SWAP70: variants seen among roughly 807,000 people sequenced by gnomAD.
The protein encoded by SWAP70 is switching B cell complex subunit SWAP70.
Under a neutral mutation model 80.2 loss-of-function variants are expected in SWAP70, and 34 were observed. That is an observed-to-expected ratio of 0.42 (90% CI 0.32 to 0.56). The LOEUF is 0.56. SWAP70 is among the 20% of genes least tolerant of loss of function. The pLI is 0.09. For missense variants in SWAP70, 578 were observed against 690.7 expected (o/e 0.84, Z 1.83); for synonymous variants, 239 against 238.5 (o/e 1.00, Z -0.02).
intron 2 of SWAP70, among the ~76,000 whole-genome samples, chr11:9,707,559 T>C (rs865782408): frequency 8.8e-4 from 129 of 146,792 alleles, no homozygotes; most frequent in African/African-American, 2.9e-3. Context: ...TTTCTTTTCT[T>C]TTTTTTTTTT....
At chr11:9,675,287 C>T (rs145415165) in intron 1 of SWAP70, among the ~76,000 whole-genome samples, 6 of 140,668 alleles carry the variant, frequency 4.3e-5, no homozygotes, top group African/African-American at 1.3e-4. Flanking sequence ...ACCCTGTATC[C>T]AAAGAAAAAG....
chr11:9,725,510 T>G (rs1851199433), intron 4 of SWAP70, among the ~76,000 whole-genome samples: 1 of 135,240 alleles, frequency 7.4e-6, no homozygotes, highest in Non-Finnish European at 1.6e-5. Flanking sequence ...GTTGAAACCC[T>G]GTCTGTATTA....
At chr11:9,680,887 A>G (rs1202333024) in intron 1 of SWAP70, 1 of 152,266 alleles carries the variant, frequency 6.6e-6, no homozygotes, top group Non-Finnish European at 1.5e-5. Context: ...AGTTTCATGA[A>G]GGAGATAGTA....
intron 2 of SWAP70, chr11:9,703,390 C>G (rs1370786502): frequency 4.4e-6 from 2 of 456,252 alleles, no homozygotes; most frequent in South Asian, 1.5e-5. Context: ...TCTCTCTGTT[C>G]CCCAGATTAC....
At chr11:9,679,713 G>A (rs2134431673) in intron 1 of SWAP70, among the ~76,000 whole-genome samples, 1 of 152,198 alleles carries the variant, frequency 6.6e-6, no homozygotes, top group South Asian at 2.1e-4. Flanking sequence ...CTGTTGCCCA[G>A]GCTGGAGTGT....
chr11:9,666,027 T>G (rs906187511), intron 1 of SWAP70, among the ~76,000 whole-genome samples: 1 of 143,726 alleles, frequency 7.0e-6, no homozygotes, highest in Non-Finnish European at 1.5e-5. Flanking sequence ...TGGTTTCTGC[T>G]TTTTTTTTTT....
Position 9,740,310 on chromosome 11 carries a change from C to T in SWAP70, c.1318C>T (p.Arg440Trp), listed in dbSNP as rs377094519. The part of the protein sequence containing the change: ...QEALEDERQA[R>W]QDEETVRKLQ... ...GGCTCTTGAAGATGAGAGACAGGCC[C>T]GGCAAGATGAAGAGACAGTGCGGAA... The change falls in exon 9 of 12, where the codon CGG (arginine) becomes TGG (tryptophan). Residue 440 changes from arginine to tryptophan, a missense_variant. Arg to Trp is a moderately radical substitution (Grantham distance 101). Coordinates refer to ENST00000318950, the MANE Select transcript of SWAP70 (RefSeq NM_015055.4). The T allele has an allele frequency of 5.6e-6, 9 of 1,614,052 alleles. No individual in the cohort carries two copies. In the African/African-American group the frequency reaches 6.7e-5, roughly 12 times the overall value.
intron 2 of SWAP70, among the ~76,000 whole-genome samples, chr11:9,701,964 T>G (rs758333547): frequency 6.6e-6 from 1 of 152,220 alleles, no homozygotes; most frequent in Non-Finnish European, 1.5e-5. Flanking sequence ...CATTAATCCA[T>G]TGGCAGTATG....
intron 6 of SWAP70, among the ~76,000 whole-genome samples, chr11:9,730,924 C>T (rs748111730): frequency 6.6e-5 from 10 of 152,192 alleles, no homozygotes; most frequent in Non-Finnish European, 1.2e-4. Flanking sequence ...CAACCTCTTC[C>T]CCCGTCTCTA....
At chr11:9,703,777 C>A (rs143289703) in intron 2 of SWAP70, among the ~76,000 whole-genome samples, 35 of 152,166 alleles carry the variant, frequency 2.3e-4, no homozygotes, top group Non-Finnish European at 4.1e-4. Context: ...TGAATGAATG[C>A]GCAAATTAAT....
chr11:9,688,666 T>C (rs890128312), intron 1 of SWAP70, among the ~76,000 whole-genome samples: 5 of 152,166 alleles, frequency 3.3e-5, no homozygotes, highest in African/African-American at 1.2e-4. Flanking sequence ...GTGATGTTAG[T>C]GGTACTTGAA....
chr11:9,707,023 T>C (rs1211624756), intron 2 of SWAP70, among the ~76,000 whole-genome samples: 2 of 152,136 alleles, frequency 1.3e-5, no homozygotes, highest in East Asian at 3.8e-4. Flanking sequence ...TTCGGTATAG[T>C]GTATGGTATA....
intron 1 of SWAP70, among the ~76,000 whole-genome samples, chr11:9,672,088 T>G (rs546937275): frequency 4.7e-5 from 6 of 128,052 alleles, no homozygotes; most frequent in African/African-American, 1.5e-4. Context: ...TAAATAATAA[T>G]TTAAATATAA....
intron 1 of SWAP70, among the ~76,000 whole-genome samples, chr11:9,676,362 G>A (rs1212705505): frequency 6.6e-6 from 1 of 152,048 alleles, no homozygotes; most frequent in Non-Finnish European, 1.5e-5. Context: ...CCTTGGTTTG[G>A]TTTTGGTGCT....
intron 7 of SWAP70, among the ~76,000 whole-genome samples, chr11:9,736,779 C>G (rs1851368914): frequency 6.6e-6 from 1 of 152,110 alleles, no homozygotes; most frequent in Non-Finnish European, 1.5e-5. Context: ...TCCATAATGC[C>G]CTGGAACCTG....
At chr11:9,706,326 G>A (rs919675947) in intron 2 of SWAP70, among the ~76,000 whole-genome samples, 2 of 148,118 alleles carry the variant, frequency 1.4e-5, no homozygotes, top group Admixed American at 1.3e-4. Flanking sequence ...ATACACTGGT[G>A]ATCTGTGTAT....
At chr11:9,710,104 G>A (rs1850975835) in intron 2 of SWAP70, among the ~76,000 whole-genome samples, 1 of 151,998 alleles carries the variant, frequency 6.6e-6, no homozygotes, top group East Asian at 1.9e-4. Context: ...GGTGGCAAAG[G>A]CAGAAGAAAA....
At position 9,738,260 on chromosome 11, in the gene SWAP70, C is replaced by A. The variant is rs959445725; in HGVS notation, c.1128C>A (p.Arg376=). 9.3e-6 allele frequency: 15 copies of A among 1,611,472 alleles called. 1 individual carries two copies. In the Middle Eastern group the frequency reaches 5.0e-4, roughly 53 times the overall value. The change falls in exon 8 of 12, where the codon CGC becomes CGA. Residue 376 remains arginine, a synonymous_variant. Transcript: ENST00000318950. ...ASRAAEEEKK[R]LQTQVELQAR... is the part of the protein sequence containing the mutation. ...GTGCAGCAGAAGAGGAAAAGAAACG[C>A]CTTCAGACTCAAGTGGAACTTCAGG...
At chr11:9,678,543 CTTTTTT>C (rs72123125) in intron 1 of SWAP70, among the ~76,000 whole-genome samples, 5 of 77,186 alleles carry the variant, frequency 6.5e-5, no homozygotes, top group African/African-American at 1.4e-4. Context: ...CTCTGAGGTG[CTTTTTT>C]TTTTTTTTTT....
Sources: allele counts gnomAD v4.1 joint callset (sites outside exome capture counted in the v4.1 genomes callset), GRCh38; gene constraint gnomAD v4.1.1; transcripts MANE v1.5; gene names NCBI Gene and HGNC (gene_info 2026-07-23, HGNC 2026-07-21).